The following CDYL2 variants were observed in gnomAD, a reference collection of about 807,000 sequenced individuals.
The protein encoded by CDYL2 is chromodomain Y like 2.
CDYL2 carries 23 observed loss-of-function variants against 49.4 expected under a neutral mutation model. The ratio of observed to expected loss-of-function variants is 0.47; its 90% CI spans 0.34 to 0.66. The LOEUF (loss-of-function observed/expected upper bound fraction) is 0.66. CDYL2 is among the 30% of genes least tolerant of loss of function. The pLI, the probability that CDYL2 is intolerant of heterozygous loss-of-function variation, is 0.01. For synonymous variants in CDYL2, 360 were observed against 268.8 expected (o/e 1.34, Z -3.32); for missense variants, 678 against 656.4 (o/e 1.03, Z -0.36).
chr16:80,628,146 A>C (rs1425002687), intron 3 of CDYL2: 1 of 152,182 alleles, frequency 6.6e-6, no homozygotes, highest in Non-Finnish European at 1.5e-5. Flanking sequence ...GAATACTTTA[A>C]ATCCTTGTTG....
At chr16:80,774,407 G>C (rs1256250052) in intron 1 of CDYL2, among the ~76,000 whole-genome samples, 1 of 151,944 alleles carries the variant, frequency 6.6e-6, no homozygotes, top group East Asian at 1.9e-4. Context: ...GGGGAGGATG[G>C]GGGAAGGAAG....
chr16:80,766,520 G>GA (rs1300751386), intron 1 of CDYL2, among the ~76,000 whole-genome samples: 1 of 152,048 alleles, frequency 6.6e-6, no homozygotes, highest in African/African-American at 2.4e-5. Context: ...CTTTCTAGGG[G>GA]AAAAAAGGAC....
At chr16:80,653,705 T>A (rs1431617277) in intron 2 of CDYL2, among the ~76,000 whole-genome samples, 2 of 152,302 alleles carry the variant, frequency 1.3e-5, no homozygotes, top group African/African-American at 4.8e-5. Flanking sequence ...AACAATCTAG[T>A]TACACTCTTT....
chr16:80,638,340 G>T (rs1258108492), intron 2 of CDYL2, among the ~76,000 whole-genome samples: 1 of 152,122 alleles, frequency 6.6e-6, no homozygotes, highest in African/African-American at 2.4e-5. Flanking sequence ...CTCCCAAAGT[G>T]CTGGGATTAT....
At chr16:80,750,849 T>A (rs1270784821) in intron 1 of CDYL2, among the ~76,000 whole-genome samples, 6 of 152,036 alleles carry the variant, frequency 3.9e-5, no homozygotes, top group African/African-American at 1.4e-4. Context: ...AAACCCCGTC[T>A]CTACTAAAAA....
intron 1 of CDYL2, among the ~76,000 whole-genome samples, chr16:80,690,064 T>C (rs1203768589): frequency 2.7e-5 from 4 of 150,806 alleles, no homozygotes; most frequent in Middle Eastern, 6.8e-3. Context: ...GAGGTTACAG[T>C]GAGGCGAGAT....
intron 2 of CDYL2, among the ~76,000 whole-genome samples, chr16:80,638,809 G>A (rs1292494605): frequency 1.3e-5 from 2 of 152,090 alleles, no homozygotes; most frequent in Non-Finnish European, 2.9e-5. Flanking sequence ...CACAAACTCT[G>A]TACTTTGCAA....
rs8049284 is a variant in CDYL2 at position 80,684,982 on chromosome 16, A to G, written c.172T>C (p.Leu58=). 0.61 allele frequency: 985,289 copies of G among 1,613,694 alleles called. 308,261 individuals are homozygous for G. The highest frequency in any genetic ancestry group is 0.68 in the Middle Eastern group (4,139 of 6,062). ...ATCCTCTTGTCCTTGGACATGTGCA[A>G]CCCATTGAATTCATCAATAAACTCC... ...CEEFIDEFNG[L]HMSKDKRIKS... The change falls in exon 2 of 7, where the codon TTG becomes CTG. Residue 58 remains leucine (L), a synonymous_variant. Transcript: ENST00000570137.
At chr16:80,718,286 T>C (rs976880459) in intron 1 of CDYL2, among the ~76,000 whole-genome samples, 8 of 152,202 alleles carry the variant, frequency 5.3e-5, no homozygotes, top group Non-Finnish European at 8.8e-5. Context: ...GTCAAAATCA[T>C]CTTAAAATAA....
chr16:80,766,051 G>C (rs1906713498), intron 1 of CDYL2, among the ~76,000 whole-genome samples: 1 of 151,898 alleles, frequency 6.6e-6, no homozygotes, highest in Non-Finnish European at 1.5e-5. Flanking sequence ...ACGGAAAGTA[G>C]ATTAGTGGTT....
intron 3 of CDYL2, among the ~76,000 whole-genome samples, chr16:80,630,340 G>C (rs1188930144): frequency 6.6e-6 from 1 of 152,246 alleles, no homozygotes; most frequent in Non-Finnish European, 1.5e-5. Flanking sequence ...TCCATGATGA[G>C]TGGGCAACAG....
At chr16:80,765,261 T>A (rs1906681098) in intron 1 of CDYL2, among the ~76,000 whole-genome samples, 1 of 150,796 alleles carries the variant, frequency 6.6e-6, no homozygotes, top group African/African-American at 2.4e-5. Context: ...TCCATGCTTG[T>A]CCATATCCCA....
intron 1 of CDYL2, among the ~76,000 whole-genome samples, chr16:80,700,744 G>T (rs1020008455): frequency 3.3e-5 from 5 of 152,202 alleles, no homozygotes; most frequent in Non-Finnish European, 7.3e-5. Context: ...AGATATCTAT[G>T]CAAATTAAAA....
At chr16:80,682,181 T>C (rs979561471) in intron 2 of CDYL2, among the ~76,000 whole-genome samples, 3 of 152,000 alleles carry the variant, frequency 2.0e-5, no homozygotes, top group African/African-American at 7.3e-5. Flanking sequence ...ACCAGTGCTA[T>C]GGGATGTGAT....
rs777259407 is a variant in CDYL2 at position 80,604,489 on chromosome 16, C to T, written c.1420G>A (p.Val474Met). ...RSFLKSVLED[V>M]NEKECLMLKQ... ...AGCATGAGGCATTCCTTCTCGTTCACGTCTTCCAGCACTGATTTCAGGAAG... is the reference window on the plus strand; with the variant it reads ...AGCATGAGGCATTCCTTCTCGTTCATGTCTTCCAGCACTGATTTCAGGAAG... Residue 474 changes from valine (V) to methionine (M), a missense_variant, in exon 7 of 7, where the codon GTG becomes ATG. Physicochemically the swap from Val to Met is conservative, Grantham distance 21 (BLOSUM62 1). This residue lies in a region of CDYL2 where 153 missense variants were observed against 150.6 expected (regional missense o/e 1.02). Transcript: ENST00000570137. 8 of 1,614,194 alleles carry T rather than the reference C, an allele frequency of 5.0e-6. No individual in the cohort carries two copies. Among genetic ancestry groups the T allele is most frequent in the African/African-American group, 2.7e-5 (2 of 75,054 alleles).
At chr16:80,691,630 T>A (rs942230879) in intron 1 of CDYL2, among the ~76,000 whole-genome samples, 1 of 152,176 alleles carries the variant, frequency 6.6e-6, no homozygotes, top group African/African-American at 2.4e-5. Context: ...AACATGGTCA[T>A]AAAAATTTTT....
chr16:80,645,697 G>A (rs1473229882), intron 2 of CDYL2, among the ~76,000 whole-genome samples: 1 of 152,040 alleles, frequency 6.6e-6, no homozygotes, highest in Non-Finnish European at 1.5e-5. Context: ...TATGTTTACT[G>A]TGGCACCATT....
intron 1 of CDYL2, among the ~76,000 whole-genome samples, chr16:80,699,234 T>C (rs75063469): frequency 1.3e-5 from 2 of 152,202 alleles, no homozygotes; most frequent in Non-Finnish European, 2.9e-5. Context: ...CTATTCATAA[T>C]AGTCAAGATA....
intron 2 of CDYL2, among the ~76,000 whole-genome samples, chr16:80,658,384 G>A (rs74028390): frequency 6.6e-6 from 1 of 152,006 alleles, no homozygotes; most frequent in African/African-American, 2.4e-5. Flanking sequence ...AGGGGAGAGG[G>A]GAAGAACAAA....
Sources: gnomAD v4.1 joint callset for allele counts (sites outside exome capture counted in the v4.1 genomes callset) on GRCh38, gnomAD v4.1.1 for gene constraint, gnomAD v4.1.1 regional missense constraint, MANE v1.5 for transcripts, NCBI Gene and HGNC (gene_info 2026-07-23, HGNC 2026-07-21) for gene names.